ADAM10: variants seen among roughly 807,000 people sequenced by gnomAD.
The protein encoded by ADAM10 is ADAM metallopeptidase domain 10, also known as disintegrin and metalloproteinase domain-containing protein 10.
Under a neutral mutation model 90.1 loss-of-function variants are expected in ADAM10, and 17 were observed. The ratio of observed to expected loss-of-function variants is 0.19; its 90% CI spans 0.13 to 0.28. ADAM10 has a LOEUF of 0.28. Ranked by LOEUF, ADAM10 falls within the 10% of genes least tolerant of loss-of-function variation. The pLI, the probability that ADAM10 is intolerant of heterozygous loss-of-function variation, is 1.00. For missense variants in ADAM10, 610 were observed against 914.3 expected (o/e 0.67, Z 4.29); for synonymous variants, 310 against 298.6 (o/e 1.04, Z -0.40).
intron 2 of ADAM10, chr15:58,691,657 G>A: frequency 2.8e-6 from 1 of 352,996 alleles, no homozygotes; most frequent in South Asian, 2.2e-5. Flanking sequence ...GAGAAGCTAA[G>A]CTCAAGCCAC....
intron 5 of ADAM10, among the ~76,000 whole-genome samples, chr15:58,657,771 G>A (rs1266433541): frequency 7.2e-5 from 11 of 152,092 alleles, no homozygotes; most frequent in Admixed American, 7.2e-4. Flanking sequence ...GTTGGTTCAC[G>A]TCTGGGCATT....
At chr15:58,621,945 C>G (rs1205081777) in intron 10 of ADAM10, among the ~76,000 whole-genome samples, 1 of 151,696 alleles carries the variant, frequency 6.6e-6, no homozygotes, top group African/African-American at 2.4e-5. Flanking sequence ...CACACAAATA[C>G]AAACCAAGTT....
intron 11 of ADAM10, among the ~76,000 whole-genome samples, chr15:58,612,509 G>GC (rs1337181255): frequency 2.6e-5 from 4 of 152,100 alleles, no homozygotes; most frequent in African/African-American, 9.7e-5. Context: ...GCTGTTCCCT[G>GC]CCCCCTAGGG....
intron 1 of ADAM10, chr15:58,748,628 T>C (rs565413193): frequency 2.4e-5 from 7 of 287,866 alleles, no homozygotes; most frequent in African/African-American, 8.7e-5. Flanking sequence ...CTACTCCACC[T>C]GAAAGTTTAA....
At chr15:58,688,638 A>G (rs2140766349) in intron 2 of ADAM10, among the ~76,000 whole-genome samples, 1 of 151,070 alleles carries the variant, frequency 6.6e-6, no homozygotes, top group East Asian at 1.9e-4. Flanking sequence ...CACAATAAGG[A>G]GAAACCAAAA....
rs774354261 is a variant in ADAM10, at chr15:58,627,903, G to C, written c.1177-20C>G. ...ATCATGCTGTCAAAAAGAATATAAA[G>C]TTACATAAACAGGAAGTAAAATAAG... is the stretch of plus-strand genomic sequence containing the variant. On this transcript the variant is annotated intron_variant, in intron 9 of 15. Coordinates refer to ENST00000260408, the MANE Select transcript of ADAM10 (RefSeq NM_001110.4). 6.8e-6 allele frequency: 11 copies of C among 1,611,050 alleles called. No individual in the cohort carries two copies. Among genetic ancestry groups the C allele is most frequent in the Non-Finnish European group, 9.3e-6 (11 of 1,178,852 alleles).
chr15:58,668,243 G>T (rs960795953), intron 4 of ADAM10, among the ~76,000 whole-genome samples: 2 of 152,094 alleles, frequency 1.3e-5, no homozygotes, highest in Non-Finnish European at 2.9e-5. Flanking sequence ...AAAGTGTCTT[G>T]TACAGATTAG....
intron 2 of ADAM10, chr15:58,707,200 A>AG (rs1276057713): frequency 1.3e-5 from 2 of 151,100 alleles, no homozygotes; most frequent in African/African-American, 4.9e-5. Flanking sequence ...CTGGGGAACA[A>AG]GGGGAAACCC....
intron 11 of ADAM10, among the ~76,000 whole-genome samples, chr15:58,613,323 T>C (rs1225671080): frequency 2.6e-5 from 4 of 151,878 alleles, no homozygotes; most frequent in African/African-American, 9.7e-5. Context: ...TGAAAGTCAC[T>C]CTAGAAAATT....
chr15:58,626,938 T>C (rs1358881014), intron 10 of ADAM10, among the ~76,000 whole-genome samples: 2 of 152,182 alleles, frequency 1.3e-5, no homozygotes. Flanking sequence ...CACAGAACTG[T>C]ACATTTAAAA....
Position 58,749,561 on chromosome 15 carries a change from G to T in ADAM10, c.-27C>A. 1.3e-6 allele frequency: 2 copies of T among 1,547,942 alleles called. No individual in the cohort carries two copies. Among genetic ancestry groups the T allele is most frequent in the South Asian group, 2.4e-5 (2 of 83,730 alleles). ...TTCCGCTGCCGCTGCCGCCGCCGCCGCCTCCTCACGGGTTAACAGCAGCAC... is the reference window on the plus strand; with the variant it reads ...TTCCGCTGCCGCTGCCGCCGCCGCCTCCTCCTCACGGGTTAACAGCAGCAC... On this transcript the variant is annotated 5_prime_UTR_variant, in exon 1 of 16. Transcript: ENST00000260408.
intron 6 of ADAM10, among the ~76,000 whole-genome samples, chr15:58,644,979 C>G (rs1441037392): frequency 6.6e-6 from 1 of 152,226 alleles, no homozygotes; most frequent in Non-Finnish European, 1.5e-5. Flanking sequence ...TGACCCCCAA[C>G]TAAACTTTCT....
intron 1 of ADAM10, among the ~76,000 whole-genome samples, chr15:58,726,147 CAG>C (rs750429392): frequency 2.0e-5 from 3 of 151,920 alleles, no homozygotes; most frequent in Non-Finnish European, 4.4e-5. Context: ...CAACAGAAAA[CAG>C]AGGAGAAACA....
At chr15:58,655,711 G>GTGTGTGTGTATATATATATATA (rs1212041296) in intron 5 of ADAM10, among the ~76,000 whole-genome samples, 1 of 53,734 alleles carries the variant, frequency 1.9e-5, no homozygotes, top group Admixed American at 2.8e-4. Context: ...TATATATATA[G>GTGTGTGTGTATATATATATATA]TATATATATA....
intron 14 of ADAM10, chr15:58,609,365 T>C (rs2140996466): frequency 6.6e-6 from 1 of 152,292 alleles, no homozygotes; most frequent in South Asian, 2.1e-4. Flanking sequence ...TATCCTAATG[T>C]GTCCTAGGAA....
chr15:58,621,363 G>A, intron 11 of ADAM10, 108 bp downstream of exon 11: 1 of 1,320,402 alleles, frequency 7.6e-7, no homozygotes, highest in Non-Finnish European at 1.1e-6. Flanking sequence ...ACAGATAAAA[G>A]CAAAGTTTCA....
chr15:58,669,323 T>C (rs896587290), intron 4 of ADAM10, among the ~76,000 whole-genome samples: 1 of 152,122 alleles, frequency 6.6e-6, no homozygotes, highest in African/African-American at 2.4e-5. Context: ...TTTCCTTCCA[T>C]GCCTCTCAAA....
intron 1 of ADAM10, among the ~76,000 whole-genome samples, chr15:58,721,141 A>G (rs1898838952): frequency 6.6e-6 from 1 of 152,232 alleles, no homozygotes; most frequent in Admixed American, 6.5e-5. Context: ...CACAGCTGAA[A>G]TTCTACTGGG....
At chr15:58,681,233 A>G (rs1365299252) in intron 3 of ADAM10, among the ~76,000 whole-genome samples, 5 of 152,236 alleles carry the variant, frequency 3.3e-5, no homozygotes, top group African/African-American at 1.2e-4. Context: ...AATAATCAAG[A>G]AGACAATATA....
Sources: gnomAD v4.1 joint callset for allele counts (sites outside exome capture counted in the v4.1 genomes callset) on GRCh38, gnomAD v4.1.1 for gene constraint, MANE v1.5 for transcripts, NCBI Gene and HGNC (gene_info 2026-07-23, HGNC 2026-07-21) for gene names.